Variants in CACHD1 observed in about 807,000 individuals in gnomAD.
CACHD1 encodes the protein cache domain containing 1.
Under a neutral mutation model 138.7 loss-of-function variants are expected in CACHD1, and 71 were observed. The ratio of observed to expected loss-of-function variants is 0.51; its 90% CI spans 0.42 to 0.62. The LOEUF (loss-of-function observed/expected upper bound fraction) is 0.62, where lower values mean the gene tolerates loss of function less well. Among genes scored for constraint, CACHD1 ranks in the 20% least tolerant of loss-of-function variants. The pLI, the probability that CACHD1 is intolerant of heterozygous loss-of-function variation, is 0.00. For missense variants in CACHD1, 1,389 were observed against 1,625.3 expected (o/e 0.85, Z 2.50); for synonymous variants, 578 against 591.5 (o/e 0.98, Z 0.33).
chr1:64,611,336 T>C (rs1209945205), intron 4 of CACHD1, among the ~76,000 whole-genome samples: 1 of 152,210 alleles, frequency 6.6e-6, no homozygotes, highest in Non-Finnish European at 1.5e-5. Context: ...GGGTTTTTCT[T>C]TTCTACCACA....
intron 1 of CACHD1, among the ~76,000 whole-genome samples, chr1:64,535,709 T>G (rs1185246084): frequency 1.3e-5 from 2 of 152,110 alleles, no homozygotes; most frequent in Non-Finnish European, 2.9e-5. Context: ...ATGTCTCCAT[T>G]TGAAACGTCC....
chr1:64,619,740 C>T (rs1001010219), intron 4 of CACHD1, among the ~76,000 whole-genome samples: 4 of 152,090 alleles, frequency 2.6e-5, no homozygotes, highest in African/African-American at 4.8e-5. Flanking sequence ...GCGTGATCCC[C>T]GCACTGTGCC....
intron 6 of CACHD1, 51 bp from the exon 7 acceptor site, chr1:64,633,993 A>C: frequency 7.0e-7 from 1 of 1,420,140 alleles, no homozygotes; most frequent in East Asian, 2.3e-5. Context: ...ATAAATCTTT[A>C]GACGGTAGGA....
At chr1:64,642,425 C>T (rs573386183) in intron 8 of CACHD1, among the ~76,000 whole-genome samples, 191 of 152,326 alleles carry the variant, frequency 1.3e-3, no homozygotes, top group African/African-American at 4.5e-3. Flanking sequence ...TCCACCTCAG[C>T]TTCCTTAGCT....
At chr1:64,659,650 C>T (rs1012045243) in intron 13 of CACHD1, among the ~76,000 whole-genome samples, 1 of 152,234 alleles carries the variant, frequency 6.6e-6, no homozygotes, top group African/African-American at 2.4e-5. Context: ...TTGACCCATG[C>T]ACCTCTGCTC....
In CACHD1 at chr1:64,691,404, G is replaced by A. The variant is rs986019173; in HGVS notation, c.3668G>A (p.Gly1223Glu). The A allele has an allele frequency of 6.2e-7, 1 of 1,614,082 alleles. No individual in the cohort carries two copies. The highest frequency in any genetic ancestry group is 8.5e-7 in the Non-Finnish European group (1 of 1,180,024). The change falls in exon 27 of 27, where the codon GGA becomes GAA. Residue 1223 changes from glycine (G) to glutamate (E), a missense_variant. Physicochemically the swap from Gly to Glu is moderately conservative, Grantham distance 98. Transcript: ENST00000651257. ...CCCTTGTCAGCCGGGGTCGATGTGG[G>A]AAACCATGATGAGGACTTAGACCTG... The part of the protein sequence containing the change: ...NDPLSAGVDV[G>E]NHDEDLDLDT...
At chr1:64,671,466 G>T in intron 16 of CACHD1, 98 bp from the exon 17 acceptor site, 1 of 1,274,386 alleles carries the variant, frequency 7.8e-7, no homozygotes, top group South Asian at 1.2e-5. Context: ...ACAGTGGGAA[G>T]GTATTTCTAA....
At chr1:64,577,915 G>C (rs1469877) in intron 2 of CACHD1, among the ~76,000 whole-genome samples, 17,926 of 152,066 alleles carry the variant, frequency 0.12, 1,248 homozygotes, top group Admixed American at 0.21. Context: ...TAACCAGGAA[G>C]GCAAAGGCAG....
Position 64,681,240 on chromosome 1 carries a change from C to G in CACHD1, c.3407-18C>G, listed in dbSNP as rs867316629. On this transcript the variant is annotated intron_variant, in intron 24 of 26. Coordinates refer to ENST00000651257, the MANE Select transcript of CACHD1 (RefSeq NM_020925.4). ...TTTGATTAAATAGTCATGTTTCTCT[C>G]TTTTTAATGATGGGTAGAAATGTCA... 2.5e-6 allele frequency: 4 copies of G among 1,603,510 alleles called. No individual in the cohort carries two copies. The Admixed American group carries it at 5.0e-5, about 20-fold the overall frequency.
intron 4 of CACHD1, among the ~76,000 whole-genome samples, chr1:64,607,253 G>A (rs1647370352): frequency 1.3e-5 from 2 of 152,162 alleles, no homozygotes; most frequent in Admixed American, 1.3e-4. Context: ...GTAGAAAGAG[G>A]ACCAAGAGGA....
At chr1:64,573,751 T>G (rs1265611150) in intron 2 of CACHD1, among the ~76,000 whole-genome samples, 1 of 152,208 alleles carries the variant, frequency 6.6e-6, no homozygotes, top group Admixed American at 6.5e-5. Flanking sequence ...GAATGTGATC[T>G]AATTATTCTG....
Position 64,682,092 on chromosome 1 carries a change from C to G in CACHD1, c.3572C>G (p.Thr1191Arg). 6.2e-7 allele frequency: 1 copy of G among 1,614,078 alleles called. No homozygotes were observed. Among genetic ancestry groups the G allele is most frequent in the Non-Finnish European group, 8.5e-7 (1 of 1,179,966 alleles). The change falls in exon 26 of 27, where the codon ACA becomes AGA. Residue 1191 changes from threonine to arginine, a missense_variant. Around this residue, in one of 5 missense-constraint regions of CACHD1, gnomAD observed 250 missense variants for 292.9 expected, o/e 0.85. Transcript: ENST00000651257. ...RRRRYWGRSG[T>R]ESDHGYSTMS... is the part of the protein sequence containing the mutation. ...CGCCGCTACTGGGGTCGATCAGGAACAGAAAGTGATCATGGTAAGGTCTAG... is the reference window on the plus strand; with the variant it reads ...CGCCGCTACTGGGGTCGATCAGGAAGAGAAAGTGATCATGGTAAGGTCTAG...
At chr1:64,659,015 C>T (rs148207216) in intron 13 of CACHD1, 142 bp downstream of exon 13, 12 of 684,468 alleles carry the variant, frequency 1.8e-5, no homozygotes, top group Middle Eastern at 2.6e-4. Flanking sequence ...AATATGAAAA[C>T]GATTTGAAGC....
In CACHD1 at chr1:64,531,194, C is replaced by G. The variant is rs1033380176; in HGVS notation, c.199-19400C>G. On this transcript the variant is annotated intron_variant, in intron 1 of 26. Coordinates refer to ENST00000651257, the MANE Select transcript of CACHD1 (RefSeq NM_020925.4). ...TTCTTATTTCCTGCCTGCCCAAAAC[C>G]CTTTAAAGGAAACACTCTAGAGTCT... Among the ~76,000 whole-genome samples the G allele has an allele frequency of 7.9e-5, 12 of 152,084 alleles. No homozygotes were observed. In the East Asian group the frequency reaches 2.3e-3, roughly 29 times the overall value.
intron 8 of CACHD1, among the ~76,000 whole-genome samples, chr1:64,644,836 G>A (rs1353077665): frequency 6.6e-6 from 1 of 152,218 alleles, no homozygotes; most frequent in Non-Finnish European, 1.5e-5. Flanking sequence ...AGTGGCTTAC[G>A]CCTGTAATCC....
chr1:64,560,081 C>G (rs184011847), intron 2 of CACHD1, among the ~76,000 whole-genome samples: 3 of 152,180 alleles, frequency 2.0e-5, no homozygotes, highest in Non-Finnish European at 2.9e-5. Flanking sequence ...CTGGCTAGTT[C>G]TTTGAAAAGA....
chr1:64,486,080 CATT>C (rs1346064302), intron 1 of CACHD1, among the ~76,000 whole-genome samples: 10 of 152,190 alleles, frequency 6.6e-5, no homozygotes, highest in East Asian at 5.8e-4. Context: ...AATGGTATCT[CATT>C]GTTGTTTTAG....
At chr1:64,676,439 A>G (rs902750666) in intron 21 of CACHD1, among the ~76,000 whole-genome samples, 1 of 152,162 alleles carries the variant, frequency 6.6e-6, no homozygotes, top group Admixed American at 6.5e-5. Context: ...TTCTCTAGAA[A>G]TTAAGAGTGT....
intron 1 of CACHD1, among the ~76,000 whole-genome samples, chr1:64,515,808 TTA>T (rs1646454686): frequency 6.6e-6 from 1 of 152,164 alleles, no homozygotes; most frequent in African/African-American, 2.4e-5. Context: ...CTTTCTACGA[TTA>T]TAGAAAGGTG....
Sources: gnomAD v4.1 joint callset for allele counts (sites outside exome capture counted in the v4.1 genomes callset) on GRCh38, gnomAD v4.1.1 for gene constraint, gnomAD v4.1.1 regional missense constraint, MANE v1.5 for transcripts, NCBI Gene and HGNC (gene_info 2026-07-23, HGNC 2026-07-21) for gene names.